The following ZNF202 variants were observed in gnomAD, a reference collection of about 807,000 sequenced individuals.
ZNF202 encodes the protein zinc finger protein 202, also known as zinc finger protein with KRAB and SCAN domains 10.
Under a neutral mutation model 54.5 loss-of-function variants are expected in ZNF202, and 22 were observed. The ratio of observed to expected loss-of-function variants is 0.40; its 90% confidence interval spans 0.29 to 0.58. The LOEUF (loss-of-function observed/expected upper bound fraction) is 0.58, where lower values mean the gene tolerates loss of function less well. Among genes scored for constraint, ZNF202 ranks in the 20% least tolerant of loss-of-function variants. ZNF202 has a pLI of 0.39. For synonymous variants in ZNF202, 294 were observed against 301.4 expected, an observed-to-expected ratio of 0.98 and a Z score of 0.26; for missense variants, 644 against 805.5, an observed-to-expected ratio of 0.80 and a Z score of 2.43.
intron 3 of ZNF202, among the ~76,000 whole-genome samples, chr11:123,736,663 C>T (rs1043255128): frequency 7.9e-5 from 12 of 152,210 alleles, no homozygotes; most frequent in African/African-American, 2.9e-4. Flanking sequence ...AAGCTTTCCA[C>T]ATAATGGTTA....
chr11:123,728,820 T>TAAA (rs11428083), intron 6 of ZNF202, among the ~76,000 whole-genome samples: 1 of 143,180 alleles, frequency 7.0e-6, no homozygotes. Context: ...TTTATTCCTT[T>TAAA]AAAAAAAAAA....
rs1164454111 is a variant in ZNF202, at chr11:123,724,644, A to G, written c.*1353T>C. 1 of 152,198 alleles carries G rather than the reference A, an allele frequency of 6.6e-6. No homozygotes were observed. Among genetic ancestry groups the G allele is most frequent in the African/African-American group, 2.4e-5 (1 of 41,436 alleles). 9.4% of individuals were successfully genotyped at this position (152,198 alleles called of 1,614,324 possible). On this transcript the variant is annotated 3_prime_UTR_variant, in exon 9 of 9. Transcript: ENST00000530393. Reference sequence around the variant, plus strand: ...GTTCTTGCCACTCCCACAATCAGAGAAGGTGAGGTTCATAATTATTCAGCC... The same window carrying G: ...GTTCTTGCCACTCCCACAATCAGAGGAGGTGAGGTTCATAATTATTCAGCC...
rs368185586 is a variant in ZNF202, at chr11:123,726,562, T to C, written c.1382A>G (p.Asn461Ser). ...APYKYPLNRK[N>S]LEETSPVTQA... ...TGTCACAGGGGAGGTCTCTTCCAAA[T>C]TCTTCCGGTTTAGGGGATATTTGTA... Residue 461 changes from asparagine to serine, a missense_variant, in exon 9 of 9, where the codon AAT (asparagine) becomes AGT (serine). Asn to Ser is a conservative substitution (Grantham distance 46). Transcript: ENST00000530393. This position sits in a 1 kb window ranked among gnomAD's most constrained non-coding sequence, Gnocchi z 6.0. The C allele has an allele frequency of 5.5e-5, 89 of 1,614,230 alleles. 2 individuals are homozygous for C. In the East Asian group the frequency reaches 1.5e-3, roughly 27 times the overall value.
intron 3 of ZNF202, chr11:123,739,312 T>C (rs1861762289): frequency 6.6e-6 from 1 of 152,132 alleles, no homozygotes; most frequent in African/African-American, 2.4e-5. Flanking sequence ...GAGAAAAACA[T>C]CAAGAGGGGA....
chr11:123,727,139 T>C, intron 8 of ZNF202, 148 bp from the exon 9 acceptor site: 1 of 1,074,182 alleles, frequency 9.3e-7, no homozygotes. Context: ...ATTGTTATGC[T>C]ATCAACAAAC....
At chr11:123,734,494 C>T (rs1861549528) in intron 3 of ZNF202, among the ~76,000 whole-genome samples, 1 of 152,182 alleles carries the variant, frequency 6.6e-6, no homozygotes, top group South Asian at 2.1e-4. Context: ...CCCTTCTCCA[C>T]TCTTCATGTG....
chr11:123,726,923 G>T lies in ZNF202; in HGVS notation c.1021C>A (p.Pro341Thr). The T allele has an allele frequency of 6.2e-7, 1 of 1,613,960 alleles. No individual in the cohort carries two copies. The highest frequency in any genetic ancestry group is 8.5e-7 in the Non-Finnish European group (1 of 1,180,004). Residue 341 changes from proline to threonine, a missense_variant, in exon 9 of 9, where the codon CCT becomes ACT. Transcript: ENST00000530393. The surrounding 1 kb of genome is among the most constrained non-coding windows in gnomAD (Gnocchi z 6.0). The part of the protein sequence containing the change: ...EDLSLEDIHR[P>T]VLGEPEIHQT... ...TGAATTTCTGGTTCTCCCAAAACAG[G>T]CCTGTGTATATCCTCCAAACTCAGA...
chr11:123,731,983 T>C (rs1861426207), intron 3 of ZNF202, among the ~76,000 whole-genome samples: 2 of 152,198 alleles, frequency 1.3e-5, no homozygotes, highest in African/African-American at 4.8e-5. Context: ...AAAAATGCAT[T>C]GCTGATCTCC....
intron 3 of ZNF202, among the ~76,000 whole-genome samples, chr11:123,731,223 A>G (rs1301183285): frequency 6.6e-6 from 1 of 152,150 alleles, no homozygotes; most frequent in Non-Finnish European, 1.5e-5. Context: ...AAAATACTGC[A>G]TTTCCACTTC....
intron 6 of ZNF202, 53 bp downstream of exon 6, chr11:123,729,073 C>T (rs923481289): frequency 6.3e-7 from 1 of 1,578,950 alleles, no homozygotes; most frequent in South Asian, 1.1e-5. Flanking sequence ...ATGGCTTATG[C>T]CCAGTGGTTC....
At chr11:123,727,739 C>T (rs1452300897) in intron 7 of ZNF202, 144 bp from the exon 8 acceptor site, 1 of 1,183,632 alleles carries the variant, frequency 8.4e-7, no homozygotes, top group Non-Finnish European at 1.2e-6. Context: ...AGTTTGTGTA[C>T]TTTTAACCAA....
rs1861088963 is a variant in ZNF202 at position 123,725,471 on chromosome 11, T to C, written c.*526A>G. On this transcript the variant is annotated 3_prime_UTR_variant, in exon 9 of 9. Transcript: ENST00000530393. ...AAGAAGTGAATCAGACAGCGAGGGA[T>C]CTATGCAGTTATCCTGTGAATGTGT... is the stretch of plus-strand genomic sequence containing the variant. 1 of 153,232 alleles carries C rather than the reference T, an allele frequency of 6.5e-6. No individual in the cohort carries two copies. The highest frequency in any genetic ancestry group is 1.5e-5 in the Non-Finnish European group (1 of 68,860). 9.5% of individuals were successfully genotyped at this position (153,232 alleles called of 1,614,324 possible).
chr11:123,734,140 A>T (rs1861534287), intron 3 of ZNF202, among the ~76,000 whole-genome samples: 1 of 152,108 alleles, frequency 6.6e-6, no homozygotes, highest in Admixed American at 6.5e-5. Flanking sequence ...ACAGGGAGAG[A>T]CAGACACACA....
At chr11:123,728,069 A>G (rs972182037) in intron 7 of ZNF202, 64 bp downstream of exon 7, 6 of 1,561,716 alleles carry the variant, frequency 3.8e-6, no homozygotes, top group African/African-American at 2.7e-5. Flanking sequence ...AAGATCCCCC[A>G]AAATTTCCAG....
chr11:123,726,552 C>G lies in ZNF202; in HGVS notation c.1392G>C (p.Glu464Asp). The G allele has an allele frequency of 1.2e-6, 2 of 1,614,222 alleles. No individual in the cohort carries two copies. The highest frequency in any genetic ancestry group is 1.7e-6 in the Non-Finnish European group (2 of 1,180,042). ...TCTCAGCCTGTGTCACAGGGGAGGT[C>G]TCTTCCAAATTCTTCCGGTTTAGGG... The part of the protein sequence containing the change: ...KYPLNRKNLE[E>D]TSPVTQAERT... Residue 464 changes from glutamate to aspartate, a missense_variant, in exon 9 of 9, where the codon GAG becomes GAC. Around this residue, in one of 3 missense-constraint regions of ZNF202, gnomAD observed 536 missense variants for 635.3 expected, o/e 0.84. Coordinates refer to ENST00000530393, the MANE Select transcript of ZNF202 (RefSeq NM_003455.4). The surrounding 1 kb of genome is among the most constrained non-coding windows in gnomAD (Gnocchi z 6.0).
At chr11:123,732,381 T>G (rs1861447495) in intron 3 of ZNF202, among the ~76,000 whole-genome samples, 1 of 152,212 alleles carries the variant, frequency 6.6e-6, no homozygotes, top group Non-Finnish European at 1.5e-5. Context: ...CTCTTCGCCC[T>G]CCTCTCCAAT....
In ZNF202 at chr11:123,730,877, G is replaced by A. The variant is rs762246198; in HGVS notation, c.12C>T (p.Ala4=). 13 of 1,612,552 alleles carry A rather than the reference G, an allele frequency of 8.1e-6. No homozygotes were observed. The highest frequency in any genetic ancestry group is 2.2e-5 in the East Asian group (1 of 44,868). The change falls in exon 4 of 9, where the codon GCC becomes GCT. Residue 4 remains alanine (A), a synonymous_variant. Coordinates refer to ENST00000530393, the MANE Select transcript of ZNF202 (RefSeq NM_003455.4). The surrounding 1 kb of genome is among the most constrained non-coding windows in gnomAD (Gnocchi z 6.0). The stretch of plus-strand genomic sequence containing the variant: ...AAAGATCCTGGTCCTCTGGTTCCAC[G>A]GCTGTAGCCATTTCTTGGCTTTGGG... MAT[A]VEPEDQDLWE...
intron 3 of ZNF202, chr11:123,738,543 G>A (rs1320601694): frequency 4.9e-5 from 4 of 81,528 alleles, no homozygotes; most frequent in Non-Finnish European, 1.1e-4. Context: ...CCTGATAAGA[G>A]TAACTGCTCT....
At chr11:123,736,980 C>CA (rs571737858) in intron 3 of ZNF202, among the ~76,000 whole-genome samples, 2 of 151,512 alleles carry the variant, frequency 1.3e-5, no homozygotes, top group Admixed American at 6.6e-5. Context: ...ATCATAATTA[C>CA]AAAAAAACAG....
Sources: gnomAD v4.1 joint callset for allele counts (sites outside exome capture counted in the v4.1 genomes callset) on GRCh38, gnomAD v4.1.1 for gene constraint, gnomAD v4.1.1 regional missense constraint, Gnocchi (gnomAD v3.1) non-coding constraint, MANE v1.5 for transcripts, NCBI Gene and HGNC (gene_info 2026-07-23, HGNC 2026-07-21) for gene names.